Variants in EVC2 observed in about 807,000 individuals in gnomAD.
The protein encoded by EVC2 is limbin.
A neutral mutation model predicts 149.3 loss-of-function variants in EVC2; 148 were observed. The observed-to-expected ratio is 0.99, with a 90% CI of 0.87 to 1.14. EVC2 has a LOEUF of 1.14. Ranked by LOEUF, EVC2 falls within the 50% of genes most tolerant of loss-of-function variation. The probability of loss-of-function intolerance (pLI) is 0.00; values close to 1 mark genes in which losing one functional copy is unlikely to be tolerated. For synonymous variants in EVC2, 776 were observed against 649.9 expected (o/e 1.19, Z -2.95); for missense variants, 1,854 against 1,627.3 (o/e 1.14, Z -2.40).
chr4:5,649,623 A>G (rs1221634747), intron 9 of EVC2, among the ~76,000 whole-genome samples: 1 of 152,242 alleles, frequency 6.6e-6, no homozygotes. Context: ...CAGAAAGTGA[A>G]GGAGGACTCA....
At chr4:5,691,436 T>C in intron 3 of EVC2, 103 bp from the exon 4 acceptor site, 2 of 853,522 alleles carry the variant, frequency 2.3e-6, no homozygotes, top group Admixed American at 2.2e-5. Context: ...GGTAGAAAGA[T>C]TACTGCTACT....
chr4:5,599,764 G>A (rs1220236872), intron 16 of EVC2, among the ~76,000 whole-genome samples: 1 of 152,090 alleles, frequency 6.6e-6, no homozygotes, highest in Admixed American at 6.5e-5. Flanking sequence ...GGCTGGTCCT[G>A]TTAAAAATCA....
Position 5,665,505 on chromosome 4 carries a change from G to A in EVC2, c.1005+10C>T. 6.2e-7 allele frequency: 1 copy of A among 1,614,044 alleles called. No homozygotes were observed. The highest frequency in any genetic ancestry group is 8.5e-7 in the Non-Finnish European group (1 of 1,180,004). On this transcript the variant is annotated intron_variant, in intron 8 of 21. Transcript: ENST00000344408. Reference sequence around the variant, plus strand: ...CACCACCTTCCAAACCACCCTCAGGGAAGACTCACCCGATGTCTGGTGAGC... The same window carrying A: ...CACCACCTTCCAAACCACCCTCAGGAAAGACTCACCCGATGTCTGGTGAGC...
At chr4:5,621,446 G>A (rs1034855240) in intron 14 of EVC2, among the ~76,000 whole-genome samples, 3 of 152,336 alleles carry the variant, frequency 2.0e-5, no homozygotes, top group African/African-American at 7.2e-5. Context: ...TAAACAAGTT[G>A]CACAAACTTA....
At chr4:5,536,195 A>G in the EVC2 span, among the ~76,000 whole-genome samples, 1 of 152,118 alleles carries the variant, frequency 6.6e-6, no homozygotes, top group South Asian at 2.1e-4. Flanking sequence ...CAATGCAAAT[A>G]TATTTATAAG....
chr4:5,565,356 T>G lies in EVC2; in HGVS notation c.3561A>C (p.Lys1187Asn). The G allele has an allele frequency of 6.2e-7, 1 of 1,613,988 alleles. No homozygotes were observed. The highest frequency in any genetic ancestry group is 8.5e-7 in the Non-Finnish European group (1 of 1,179,934). The stretch of plus-strand genomic sequence containing the variant: ...CTAAGGCTTGCCACCAGCTCTGGTG[T>G]TTCCTGCAGGCAAGAAGGGAGTCTT... ...AEQADVGRRR[K>N]HQSWWQALDG... The change falls in exon 21 of 22, where the codon AAA becomes AAC. Residue 1187 changes from lysine (K) to asparagine (N), a missense_variant. By Grantham distance (94) the Lys-to-Asn change is moderately conservative. Coordinates refer to ENST00000344408, the MANE Select transcript of EVC2 (RefSeq NM_147127.5).
chr4:5,585,748 C>G (rs890718752), intron 16 of EVC2, among the ~76,000 whole-genome samples: 1 of 152,198 alleles, frequency 6.6e-6, no homozygotes, highest in Non-Finnish European at 1.5e-5. Context: ...CCCCTGCCCC[C>G]CACTTAGCAA....
At position 5,622,814 on chromosome 4, in the gene EVC2, A is replaced by G. The variant is rs1030104303; in HGVS notation, c.2224T>C (p.Ser742Pro). 1.9e-6 allele frequency: 3 copies of G among 1,613,816 alleles called. No homozygotes were observed. The highest frequency in any genetic ancestry group is 1.1e-5 in the South Asian group (1 of 91,070). Residue 742 changes from serine to proline, a missense_variant, in exon 14 of 22, where the codon TCG becomes CCG. Transcript: ENST00000344408. The surrounding 1 kb of genome is among the most constrained non-coding windows in gnomAD (Gnocchi z 5.8). ...ALDDLRTLTL[S>P]LFEKATDELR... The stretch of plus-strand genomic sequence containing the variant: ...TCGTCGGTGGCCTTTTCAAACAGCG[A>G]AAGGGTCAGGGTCCTGAGATCGTCC...
chr4:5,571,317 C>CAAAAA (rs1208168465), intron 19 of EVC2, among the ~76,000 whole-genome samples: 4 of 78,490 alleles, frequency 5.1e-5, no homozygotes, highest in Non-Finnish European at 6.4e-5. Flanking sequence ...GACTCCATCT[C>CAAAAA]AAAAAAAAAA....
chr4:5,540,380 C>T (rs571769321), downstream of EVC2, among the ~76,000 whole-genome samples: 3 of 152,318 alleles, frequency 2.0e-5, no homozygotes, highest in African/African-American at 7.2e-5. Flanking sequence ...CATACACAAA[C>T]GTTTGCAGCA....
chr4:5,608,898 T>C (rs569112618), intron 16 of EVC2, among the ~76,000 whole-genome samples: 6 of 152,266 alleles, frequency 3.9e-5, no homozygotes, highest in South Asian at 2.1e-4. Flanking sequence ...GTGGCTGTCA[T>C]CGAATCCCCA....
chr4:5,559,953 G>T (rs533355951), downstream of EVC2, among the ~76,000 whole-genome samples: 2 of 151,950 alleles, frequency 1.3e-5, no homozygotes, highest in South Asian at 4.2e-4. This position sits in a 1 kb window ranked among gnomAD's most constrained non-coding sequence, Gnocchi z 5.0. Flanking sequence ...AAATCTGGGG[G>T]AGTCGTAAGC....
intron 9 of EVC2, among the ~76,000 whole-genome samples, chr4:5,659,598 C>T (rs766498813): frequency 6.6e-6 from 1 of 152,066 alleles, no homozygotes; most frequent in African/African-American, 2.4e-5. Flanking sequence ...ATGCTAAACA[C>T]TCTTCAGGCA....
intron 3 of EVC2, among the ~76,000 whole-genome samples, chr4:5,693,574 C>G (rs563644549): frequency 6.6e-6 from 1 of 152,200 alleles, no homozygotes; most frequent in Admixed American, 6.5e-5. Flanking sequence ...CCACCAGCAC[C>G]GGGCTTCCAG....
chr4:5,576,284 T>G lies in EVC2; in HGVS notation c.3228A>C (p.Gln1076His). ...GTAATGTCTGGCTCTTGCTCAGGGC[T>G]TGGTGCAGGACAGTAGAGACCTGCC... ...SERQVSTVLH[Q>H]ALSKSQTLLE... is the part of the protein sequence containing the mutation. Residue 1076 changes from glutamine (Q) to histidine (H), a missense_variant, in exon 18 of 22, where the codon CAA (glutamine) becomes CAC (histidine). By Grantham distance (24) the Gln-to-His change is conservative (BLOSUM62 0). Coordinates refer to ENST00000344408, the MANE Select transcript of EVC2 (RefSeq NM_147127.5). The surrounding 1 kb of genome is among the most constrained non-coding windows in gnomAD (Gnocchi z 4.5). The G allele has an allele frequency of 6.2e-7, 1 of 1,614,176 alleles. No individual in the cohort carries two copies. The highest frequency in any genetic ancestry group is 8.5e-7 in the Non-Finnish European group (1 of 1,180,020).
At chr4:5,683,512 G>A (rs1338257298) in intron 6 of EVC2, among the ~76,000 whole-genome samples, 1 of 152,150 alleles carries the variant, frequency 6.6e-6, no homozygotes, top group Non-Finnish European at 1.5e-5. Flanking sequence ...TACGTGCAGG[G>A]TTCTCTTTTT....
rs139577475 is a variant in EVC2 at position 5,565,273 on chromosome 4, C to T, written c.3644G>A (p.Arg1215His). Residue 1215 changes from arginine (R) to histidine (H), a missense_variant, in exon 21 of 22, where the codon CGC becomes CAC. Coordinates refer to ENST00000344408, the MANE Select transcript of EVC2 (RefSeq NM_147127.5). ...CCATCATTACCTCTGCTTTCTCTTG[C>T]GGGCCCACAGCATCTTTTCTAATCC... ...SRGLEKMLWA[R>H]KRKQSILKKT... The T allele has an allele frequency of 8.4e-5, 135 of 1,613,976 alleles. No individual in the cohort carries two copies. Among genetic ancestry groups the T allele is most frequent in the Middle Eastern group, 1.6e-4 (1 of 6,062 alleles).
chr4:5,626,335 T>C lies in EVC2; in HGVS notation c.1887-427A>G, dbSNP rs1305255650. Among the ~76,000 whole-genome samples the C allele has an allele frequency of 3.4e-5, 5 of 149,048 alleles. 1 individual carries two copies. Among genetic ancestry groups the C allele is most frequent in the Admixed American group, 2.0e-4 (3 of 14,956 alleles). ...CCCAGATGAAACGTTCTTCTTGTTT[T>C]TTTTTTTTTTTTTTTTGAGATGGAG... On this transcript the variant is annotated intron_variant, in intron 12 of 21. Coordinates refer to ENST00000344408, the MANE Select transcript of EVC2 (RefSeq NM_147127.5).
rs763344804 is a variant in EVC2 at position 5,565,377 on chromosome 4, G to T, written c.3558-18C>A. ...GGTGTTTCCTGCAGGCAAGAAGGGAGTCTTATAGTTTCAAAAATACGCCTG... is the reference window on the plus strand; with the variant it reads ...GGTGTTTCCTGCAGGCAAGAAGGGATTCTTATAGTTTCAAAAATACGCCTG... On this transcript the variant is annotated intron_variant, in intron 20 of 21. Transcript: ENST00000344408. 1 of 1,612,452 alleles carries T rather than the reference G, an allele frequency of 6.2e-7. No individual in the cohort carries two copies. Among genetic ancestry groups the T allele is most frequent in the Non-Finnish European group, 8.5e-7 (1 of 1,178,608 alleles).
Sources: allele counts gnomAD v4.1 joint callset (sites outside exome capture counted in the v4.1 genomes callset), GRCh38; gene constraint gnomAD v4.1.1; non-coding constraint Gnocchi (gnomAD v3.1); transcripts MANE v1.5; gene names NCBI Gene and HGNC (gene_info 2026-07-23, HGNC 2026-07-21).